Variants in IVNS1ABP observed in about 807,000 individuals in gnomAD.
IVNS1ABP encodes influenza virus NS1A binding protein.
A neutral mutation model predicts 78.9 loss-of-function variants in IVNS1ABP; 25 were observed. The ratio of observed to expected loss-of-function variants is 0.32; its 90% CI spans 0.23 to 0.44. IVNS1ABP has a LOEUF of 0.44. Ranked by LOEUF, IVNS1ABP falls within the 20% of genes least tolerant of loss-of-function variation. The pLI is 1.00. For synonymous variants in IVNS1ABP, 241 were observed against 259.7 expected (o/e 0.93, Z 0.69); for missense variants, 494 against 768.9 (o/e 0.64, Z 4.23).
At chr1:185,310,010 A>AGGG (rs1665841943) in intron 2 of IVNS1ABP, among the ~76,000 whole-genome samples, 1 of 152,194 alleles carries the variant, frequency 6.6e-6, no homozygotes, top group Non-Finnish European at 1.5e-5. Context: ...TCTAGTCTTC[A>AGGG]AAATTATATA....
chr1:185,297,997 A>G lies in IVNS1ABP; in HGVS notation c.*38T>C, dbSNP rs772223662. ...GTGTACCTCTACTAACCATAATTACATCACTAAGCCTGTTAGTTTGAGAGG... is the reference window on the plus strand; with the variant it reads ...GTGTACCTCTACTAACCATAATTACGTCACTAAGCCTGTTAGTTTGAGAGG... On this transcript the variant is annotated 3_prime_UTR_variant, in exon 15 of 15. Coordinates refer to ENST00000367498, the MANE Select transcript of IVNS1ABP (RefSeq NM_006469.5). 1.3e-6 allele frequency: 2 copies of G among 1,595,730 alleles called. No individual in the cohort carries two copies. The highest frequency in any genetic ancestry group is 1.7e-6 in the Non-Finnish European group (2 of 1,168,694).
At position 185,301,573 on chromosome 1, in the gene IVNS1ABP, C is replaced by CAG. The variant is rs1387993431; in HGVS notation, c.766-11_766-10insCT. On this transcript the variant is annotated splice_polypyrimidine_tract_variant and intron_variant, in intron 8 of 14. Coordinates refer to ENST00000367498, the MANE Select transcript of IVNS1ABP (RefSeq NM_006469.5). Reference sequence around the variant, plus strand: ...CACGTGGTGGCTTTTTCTGCAAAATCAAAAGGTAGCTACAGAAACCTAGCC... The same window carrying CAG: ...CACGTGGTGGCTTTTTCTGCAAAATCAGAAAAGGTAGCTACAGAAACCTAGCC... The CAG allele has an allele frequency of 6.2e-7, 1 of 1,612,416 alleles. No homozygotes were observed. Among genetic ancestry groups the CAG allele is most frequent in the South Asian group, 1.1e-5 (1 of 91,018 alleles).
intron 9 of IVNS1ABP, 88 bp downstream of exon 9, chr1:185,301,346 G>A (rs561029755): frequency 1.1e-5 from 17 of 1,507,610 alleles, no homozygotes; most frequent in South Asian, 4.7e-5. Context: ...TTTTCCTCGA[G>A]TAGTCAATTT....
Position 185,311,249 on chromosome 1 carries a change from G to T in IVNS1ABP, c.-173C>A. Reference sequence around the variant, plus strand: ...CTAATGGTGATTCCAAAACTATCAGGCTTGAAAATGATGTAATCAAGTCCT... The same window carrying T: ...CTAATGGTGATTCCAAAACTATCAGTCTTGAAAATGATGTAATCAAGTCCT... On this transcript the variant is annotated 5_prime_UTR_variant, in exon 2 of 15. Coordinates refer to ENST00000367498, the MANE Select transcript of IVNS1ABP (RefSeq NM_006469.5). 1 of 397,630 alleles carries T rather than the reference G, an allele frequency of 2.5e-6. No homozygotes were observed. The highest frequency in any genetic ancestry group is 4.4e-6 in the Non-Finnish European group (1 of 225,430). The allele number at this position is 397,630 out of a possible 1,614,324, so 24.6% of individuals were successfully genotyped here. A position where few individuals can be genotyped will look rare whatever the true frequency, so the allele number is the denominator to read the frequency against.
intron 1 of IVNS1ABP, among the ~76,000 whole-genome samples, chr1:185,312,463 G>A (rs573217932): frequency 3.3e-5 from 5 of 152,178 alleles, no homozygotes; most frequent in Admixed American, 6.5e-5. Flanking sequence ...TAACAATTAC[G>A]TCAAAGTGAA....
intron 1 of IVNS1ABP, among the ~76,000 whole-genome samples, chr1:185,316,170 A>G (rs1365683609): frequency 6.6e-6 from 1 of 151,836 alleles, no homozygotes; most frequent in African/African-American, 2.4e-5. Context: ...TTTCATAAAA[A>G]AGAAAGAGCG....
At position 185,297,929 on chromosome 1, in the gene IVNS1ABP, G is replaced by T; in HGVS notation, c.*106C>A. The T allele has an allele frequency of 1.9e-6, 2 of 1,067,626 alleles. No individual in the cohort carries two copies. The highest frequency in any genetic ancestry group is 2.3e-5 in the Admixed American group (1 of 44,348). 66.1% of individuals were successfully genotyped at this position (1,067,626 alleles called of 1,614,324 possible). ...ATGCAATATGCAAAAGCTTTGTGTT[G>T]CTGTTAGCAACATCTATACCCACCC... On this transcript the variant is annotated 3_prime_UTR_variant, in exon 15 of 15. Coordinates refer to ENST00000367498, the MANE Select transcript of IVNS1ABP (RefSeq NM_006469.5).
intron 1 of IVNS1ABP, among the ~76,000 whole-genome samples, chr1:185,313,113 G>C (rs1665929095): frequency 6.6e-6 from 1 of 152,090 alleles, no homozygotes; most frequent in Non-Finnish European, 1.5e-5. Flanking sequence ...TTGACAAATT[G>C]AATGATCTAC....
At chr1:185,316,126 G>A (rs1666011776) in intron 1 of IVNS1ABP, among the ~76,000 whole-genome samples, 1 of 151,392 alleles carries the variant, frequency 6.6e-6, no homozygotes, top group South Asian at 2.1e-4. Flanking sequence ...AAGCGTGGAG[G>A]GACGGAAAAA....
In IVNS1ABP at chr1:185,305,467, T is replaced by G; in HGVS notation, c.765+69A>C. On this transcript the variant is annotated intron_variant, in intron 8 of 14. Transcript: ENST00000367498. This position sits in a 1 kb window ranked among gnomAD's most constrained non-coding sequence, Gnocchi z 4.0. ...TCCACTTTCCTTTATTAAAGGAAAA[T>G]TTAAGTATGCTATCAAATTCTCTAG... 1 of 1,565,162 alleles carries G rather than the reference T, an allele frequency of 6.4e-7. No individual in the cohort carries two copies. Among genetic ancestry groups the G allele is most frequent in the South Asian group, 1.2e-5 (1 of 85,658 alleles).
chr1:185,297,816 C>A lies in IVNS1ABP; in HGVS notation c.*219G>T. On this transcript the variant is annotated 3_prime_UTR_variant, in exon 15 of 15. Transcript: ENST00000367498. ...ATTCTTTTCCAAAAAGTAAAATAAC[C>A]AAAGTCTTAAAAGTACACAAAACAG... 3.9e-6 allele frequency: 2 copies of A among 510,954 alleles called. No individual in the cohort carries two copies. The highest frequency in any genetic ancestry group is 3.1e-5 in the East Asian group (1 of 32,160). 31.7% of individuals were successfully genotyped at this position (510,954 alleles called of 1,614,324 possible).
chr1:185,307,163 A>G, intron 6 of IVNS1ABP, 24 bp from the exon 7 acceptor site: 6 of 1,612,498 alleles, frequency 3.7e-6, no homozygotes, highest in Non-Finnish European at 5.1e-6. Context: ...AAACAATGAC[A>G]TGGATCAGTG....
In IVNS1ABP at chr1:185,309,005, A is replaced by G. The variant is rs148081227; in HGVS notation, c.279T>C (p.Ala93=). ...TGGTTTACTTCAAATGTACTTACTG[A>G]GCAGTGTAGGCATAATTCAACAAGA... ...VEVLLNYAYT[A]QLKADKELVK... Residue 93 remains alanine, a splice_region_variant and synonymous_variant, in exon 4 of 15, where the codon GCT becomes GCC. Transcript: ENST00000367498. 15 of 1,606,270 alleles carry G rather than the reference A, an allele frequency of 9.3e-6. No individual in the cohort carries two copies. Among genetic ancestry groups the G allele is most frequent in the Non-Finnish European group, 1.3e-5 (15 of 1,176,586 alleles).
intron 8 of IVNS1ABP, among the ~76,000 whole-genome samples, chr1:185,302,360 T>G (rs188299854): frequency 2.6e-5 from 4 of 152,264 alleles, no homozygotes; most frequent in Admixed American, 2.6e-4. Flanking sequence ...TACTTTAGCC[T>G]TTGCCACTTC....
rs756853396 is a variant in IVNS1ABP at position 185,298,047 on chromosome 1, A to C, written c.1917T>G (p.Ile639Met). The C allele has an allele frequency of 6.8e-6, 11 of 1,613,078 alleles. No homozygotes were observed. The highest frequency in any genetic ancestry group is 8.5e-6 in the Non-Finnish European group (10 of 1,179,570). ...GGTCTTAAATTTGTTAAAACTGGAA[A>C]ATCTTTGTATAGGGGCTCCATTCAT... ...ESNEWSPYTKIFQF is the reference protein window; with the variant it reads ...ESNEWSPYTKMFQF Residue 639 changes from isoleucine (I) to methionine (M), a missense_variant, in exon 15 of 15, where the codon ATT becomes ATG. Coordinates refer to ENST00000367498, the MANE Select transcript of IVNS1ABP (RefSeq NM_006469.5). This position sits in a 1 kb window ranked among gnomAD's most constrained non-coding sequence, Gnocchi z 4.1.
chr1:185,315,888 G>T (rs949521334), intron 1 of IVNS1ABP, among the ~76,000 whole-genome samples: 1 of 152,120 alleles, frequency 6.6e-6, no homozygotes, highest in African/African-American at 2.4e-5. Context: ...TTGATGCCAA[G>T]GTGTTCTAAC....
chr1:185,313,480 G>A (rs971759304), intron 1 of IVNS1ABP, among the ~76,000 whole-genome samples: 2 of 151,944 alleles, frequency 1.3e-5, no homozygotes, highest in African/African-American at 2.4e-5. Context: ...CCTACTTCCC[G>A]CCCACCTCAA....
rs976526907 is a variant in IVNS1ABP at position 185,300,788 on chromosome 1, A to G, written c.1120+184T>C. The G allele has an allele frequency of 1.0e-5, 7 of 687,548 alleles. No individual in the cohort carries two copies. In the African/African-American group the frequency reaches 1.1e-4, roughly 11 times the overall value. The allele number at this position is 687,548 out of a possible 1,614,324, so 42.6% of individuals were successfully genotyped here. A position where few individuals can be genotyped will look rare whatever the true frequency, so the allele number is the denominator to read the frequency against. On this transcript the variant is annotated intron_variant, in intron 10 of 14. Coordinates refer to ENST00000367498, the MANE Select transcript of IVNS1ABP (RefSeq NM_006469.5). Reference sequence around the variant, plus strand: ...AATATTAGAAAAATTTAGCCATGACATAATTTTTTTAAAAATTAGATACAG... The same window carrying G: ...AATATTAGAAAAATTTAGCCATGACGTAATTTTTTTAAAAATTAGATACAG...
At chr1:185,314,403 CAGAA>C (rs1425964764) in intron 1 of IVNS1ABP, among the ~76,000 whole-genome samples, 8 of 152,014 alleles carry the variant, frequency 5.3e-5, no homozygotes, top group African/African-American at 1.9e-4. Context: ...ACAGGCCAGT[CAGAA>C]AGATAAAACA....
Sources: allele counts gnomAD v4.1 joint callset (sites outside exome capture counted in the v4.1 genomes callset), GRCh38; gene constraint gnomAD v4.1.1; non-coding constraint Gnocchi (gnomAD v3.1); transcripts MANE v1.5; gene names NCBI Gene and HGNC (gene_info 2026-07-23, HGNC 2026-07-21).